The following CORO2B variants were observed in gnomAD, a reference collection of about 807,000 sequenced individuals.
The protein encoded by CORO2B is coronin-2B.
CORO2B carries 26 observed loss-of-function variants against 58.8 expected under a neutral mutation model. The ratio of observed to expected loss-of-function variants is 0.44; its 90% confidence interval spans 0.32 to 0.61. The LOEUF (loss-of-function observed/expected upper bound fraction) is 0.61, where lower values mean the gene tolerates loss of function less well. Ranked by LOEUF, CORO2B falls within the 20% of genes least tolerant of loss-of-function variation. CORO2B has a pLI of 0.04. For missense variants in CORO2B, 460 were observed against 645.1 expected (o/e 0.71, Z 3.11); for synonymous variants, 242 against 253.8 (o/e 0.95, Z 0.44).
the CORO2B span, among the ~76,000 whole-genome samples, chr15:68,531,633 G>A: frequency 6.9e-6 from 1 of 144,182 alleles, no homozygotes; most frequent in Non-Finnish European, 1.6e-5. Flanking sequence ...GAGAAAGAAA[G>A]AAGGAAAGAA....
chr15:68,684,685 T>C (rs1445715766), intron 2 of CORO2B, among the ~76,000 whole-genome samples: 1 of 152,262 alleles, frequency 6.6e-6, no homozygotes, highest in Admixed American at 6.5e-5. Context: ...ATTCTGGTTC[T>C]GTCACTGCCA....
At chr15:68,571,351 G>A in the CORO2B span, among the ~76,000 whole-genome samples, 1 of 152,186 alleles carries the variant, frequency 6.6e-6, no homozygotes, top group African/African-American at 2.4e-5. Flanking sequence ...AATACAAATA[G>A]ATCCCTAAGA....
At chr15:68,718,500 A>G (rs1893083740) in intron 8 of CORO2B, among the ~76,000 whole-genome samples, 198 bp from the exon 9 acceptor site, 1 of 152,126 alleles carries the variant, frequency 6.6e-6, no homozygotes, top group East Asian at 1.9e-4. Context: ...GGTCTGGCCC[A>G]AGGAGCTTGA....
intron 2 of CORO2B, among the ~76,000 whole-genome samples, chr15:68,664,787 C>T (rs1393233683): frequency 1.3e-5 from 2 of 152,102 alleles, no homozygotes; most frequent in East Asian, 1.9e-4. Flanking sequence ...AAAATATCGT[C>T]GTATGCTTAC....
Position 68,651,389 on chromosome 15 carries a change from A to C in CORO2B, c.216+6029A>C, listed in dbSNP as rs564515760. On this transcript the variant is annotated intron_variant, in intron 2 of 11. Transcript: ENST00000261861. ...CTTCGTTGATCTGGCAGCGGTGGAG[A>C]TGTTGTTCCACACTAGCCGATTTTC... Among the ~76,000 whole-genome samples the C allele has an allele frequency of 2.0e-5, 3 of 152,278 alleles. No individual in the cohort carries two copies. In the East Asian group the frequency reaches 5.8e-4, roughly 29 times the overall value.
At chr15:68,552,775 G>A in the CORO2B span, among the ~76,000 whole-genome samples, 5 of 152,168 alleles carry the variant, frequency 3.3e-5, no homozygotes, top group South Asian at 8.3e-4. Context: ...TCTCAACATC[G>A]TTGATCCTGC....
At chr15:68,532,885 A>G in the CORO2B span, among the ~76,000 whole-genome samples, 7 of 152,312 alleles carry the variant, frequency 4.6e-5, no homozygotes, top group Admixed American at 1.3e-4. Context: ...GCCTAGTTGG[A>G]GCCTAAACAT....
At chr15:68,602,427 A>G (rs1304164866) in intron 1 of CORO2B, among the ~76,000 whole-genome samples, 6 of 151,780 alleles carry the variant, frequency 4.0e-5, no homozygotes, top group African/African-American at 7.3e-5. Flanking sequence ...ACACACACAC[A>G]CACACACACA....
intron 6 of CORO2B, among the ~76,000 whole-genome samples, chr15:68,714,291 G>T (rs1892983032): frequency 6.6e-6 from 1 of 152,154 alleles, no homozygotes; most frequent in East Asian, 1.9e-4. Flanking sequence ...GAGATTGAGA[G>T]ACTTACCTGG....
chr15:68,712,634 T>C (rs1157925270), intron 5 of CORO2B, among the ~76,000 whole-genome samples: 1 of 152,038 alleles, frequency 6.6e-6, no homozygotes, highest in Non-Finnish European at 1.5e-5. Flanking sequence ...ATAATGAGAG[T>C]TGCTTAGCAT....
chr15:68,587,846 C>A (rs868245012), intron 1 of CORO2B, among the ~76,000 whole-genome samples: 12 of 152,310 alleles, frequency 7.9e-5, no homozygotes, highest in African/African-American at 2.9e-4. Context: ...GGGACTCAGC[C>A]TGCCTCGCAG....
intron 1 of CORO2B, among the ~76,000 whole-genome samples, chr15:68,593,949 G>C (rs1374605629): frequency 6.6e-6 from 1 of 152,136 alleles, no homozygotes; most frequent in African/African-American, 2.4e-5. Context: ...GGGCTCATTT[G>C]GGGGAAAGGG....
chr15:68,602,305 AT>A (rs1159611709), intron 1 of CORO2B, among the ~76,000 whole-genome samples: 2 of 151,730 alleles, frequency 1.3e-5, no homozygotes, highest in East Asian at 1.9e-4. Flanking sequence ...AGTAGAAATA[AT>A]TTTTTTTAAA....
At position 68,710,729 on chromosome 15, in the gene CORO2B, C is replaced by T; in HGVS notation, c.334-3C>T. On this transcript the variant is annotated splice_region_variant and splice_polypyrimidine_tract_variant and intron_variant, in intron 3 of 11. Coordinates refer to ENST00000261861, the MANE Select transcript of CORO2B (RefSeq NM_006091.5). This position sits in a 1 kb window ranked among gnomAD's most constrained non-coding sequence, Gnocchi z 4.1. Reference sequence around the variant, plus strand: ...CAGCCTGGACCCTCATCTCCCTCTGCAGGTGCGGATCTGGGAGATCCCCGA... The same window carrying T: ...CAGCCTGGACCCTCATCTCCCTCTGTAGGTGCGGATCTGGGAGATCCCCGA... 1 of 1,598,376 alleles carries T rather than the reference C, an allele frequency of 6.3e-7. No homozygotes were observed. The highest frequency in any genetic ancestry group is 8.5e-7 in the Non-Finnish European group (1 of 1,171,544).
chr15:68,646,852 C>T (rs1320303156), intron 2 of CORO2B, among the ~76,000 whole-genome samples: 1 of 152,194 alleles, frequency 6.6e-6, no homozygotes, highest in East Asian at 1.9e-4. Flanking sequence ...AGGCTCACAG[C>T]AGCTCTAACA....
chr15:68,718,651 G>T (rs374490845), intron 8 of CORO2B, 47 bp from the exon 9 acceptor site: 6 of 1,489,604 alleles, frequency 4.0e-6, no homozygotes, highest in African/African-American at 1.4e-5. Flanking sequence ...ATGTCACTGA[G>T]ACGCAGTTTC....
the CORO2B span, among the ~76,000 whole-genome samples, chr15:68,555,833 G>C: frequency 6.6e-6 from 1 of 152,232 alleles, no homozygotes. Context: ...GACAGGCACA[G>C]GGGTCCCACA....
intron 1 of CORO2B, among the ~76,000 whole-genome samples, chr15:68,631,367 T>G (rs1411021502): frequency 6.6e-6 from 1 of 152,228 alleles, no homozygotes; most frequent in Non-Finnish European, 1.5e-5. Context: ...TATGAACTTG[T>G]CTAGGGCTTG....
intron 1 of CORO2B, among the ~76,000 whole-genome samples, chr15:68,622,995 C>T (rs569704338): frequency 2.7e-4 from 41 of 152,158 alleles, no homozygotes; most frequent in Admixed American, 2.4e-3. Context: ...TAATATCACC[C>T]CTCTTTTAAA....
Sources: allele counts gnomAD v4.1 joint callset (sites outside exome capture counted in the v4.1 genomes callset), GRCh38; gene constraint gnomAD v4.1.1; non-coding constraint Gnocchi (gnomAD v3.1); transcripts MANE v1.5; gene names NCBI Gene and HGNC (gene_info 2026-07-23, HGNC 2026-07-21).